Variants in PXDNL observed in about 807,000 individuals in gnomAD.
The protein encoded by PXDNL is probable oxidoreductase PXDNL.
Under a neutral mutation model 150.8 loss-of-function variants are expected in PXDNL, and 145 were observed. That is an observed-to-expected ratio of 0.96 (90% CI 0.84 to 1.10). PXDNL has a LOEUF of 1.10. PXDNL is among the 50% of genes least tolerant of loss of function. PXDNL has a pLI of 0.00. For missense variants in PXDNL, 2,087 were observed against 1,873.9 expected, an observed-to-expected ratio of 1.11 and a Z score of -2.10; for synonymous variants, 757 against 725.7, an observed-to-expected ratio of 1.04 and a Z score of -0.69.
At chr8:51,577,922 GAAAAGAAA>G (rs1813095233) in intron 3 of PXDNL, among the ~76,000 whole-genome samples, 1 of 80,372 alleles carries the variant, frequency 1.2e-5, no homozygotes, top group Non-Finnish European at 2.3e-5. Flanking sequence ...AGAAAAGAAA[GAAAAGAAA>G]GAAAGAAAGA....
chr8:51,755,888 C>G (rs962212484), intron 1 of PXDNL, among the ~76,000 whole-genome samples: 2 of 151,884 alleles, frequency 1.3e-5, no homozygotes, highest in Non-Finnish European at 2.9e-5. Context: ...TATTTTTAGG[C>G]GATATTTAGA....
chr8:51,704,212 T>A (rs2956887), intron 1 of PXDNL, among the ~76,000 whole-genome samples: 1 of 152,164 alleles, frequency 6.6e-6, no homozygotes, highest in Non-Finnish European at 1.5e-5. Flanking sequence ...TTAAGTTTTA[T>A]ATGTTTTAAG....
At chr8:51,331,591 C>A (rs1026712287) in intron 21 of PXDNL, among the ~76,000 whole-genome samples, 6 of 151,954 alleles carry the variant, frequency 3.9e-5, no homozygotes, top group African/African-American at 4.8e-5. Context: ...AAGCTTCTGG[C>A]AAGTTTTCAA....
chr8:51,425,755 G>C (rs1216664039), intron 13 of PXDNL, among the ~76,000 whole-genome samples: 1 of 151,686 alleles, frequency 6.6e-6, no homozygotes, highest in African/African-American at 2.4e-5. Flanking sequence ...CCAGGAGGCA[G>C]AACTTGTAGT....
chr8:51,487,235 A>G (rs976571543), intron 5 of PXDNL, among the ~76,000 whole-genome samples: 2 of 152,158 alleles, frequency 1.3e-5, no homozygotes, highest in African/African-American at 4.8e-5. Context: ...TGACAGAAAC[A>G]TGCATATTAT....
chr8:51,628,399 CTTTT>C (rs71550276), intron 2 of PXDNL, among the ~76,000 whole-genome samples: 4 of 69,786 alleles, frequency 5.7e-5, no homozygotes, highest in African/African-American at 1.8e-4. Context: ...CTTTTCTTTT[CTTTT>C]TTTTTTTTTT....
At chr8:51,429,687 C>CTTT (rs5891411) in intron 12 of PXDNL, among the ~76,000 whole-genome samples, 25 of 125,364 alleles carry the variant, frequency 2.0e-4, no homozygotes, top group Non-Finnish European at 2.7e-4. Context: ...TTTTTCCTTT[C>CTTT]TTTTTTTTTT....
At chr8:51,446,893 A>G (rs1809688905) in intron 12 of PXDNL, 111 bp downstream of exon 12, 4 of 705,792 alleles carry the variant, frequency 5.7e-6, no homozygotes, top group African/African-American at 1.9e-5. Flanking sequence ...AGATCATATG[A>G]CTATATATAT....
intron 4 of PXDNL, among the ~76,000 whole-genome samples, chr8:51,530,898 CTTTG>C (rs1244115290): frequency 7.8e-6 from 1 of 128,916 alleles, no homozygotes; most frequent in African/African-American, 3.5e-5. Flanking sequence ...GAGGCCAGTA[CTTTG>C]TTTTTTATTC....
At chr8:51,467,574 T>C (rs1238243807) in intron 8 of PXDNL, among the ~76,000 whole-genome samples, 2 of 152,112 alleles carry the variant, frequency 1.3e-5, no homozygotes, top group African/African-American at 2.4e-5. Context: ...CATCATGTAG[T>C]ATACCTTTGT....
chr8:51,650,884 C>CA (rs936063165), intron 2 of PXDNL, among the ~76,000 whole-genome samples: 2 of 151,974 alleles, frequency 1.3e-5, no homozygotes, highest in African/African-American at 2.4e-5. Context: ...ACAAGCTTTA[C>CA]AAAAAAAGCT....
intron 12 of PXDNL, among the ~76,000 whole-genome samples, chr8:51,437,781 T>C (rs1209097794): frequency 1.3e-5 from 2 of 152,024 alleles, no homozygotes; most frequent in Non-Finnish European, 2.9e-5. Flanking sequence ...ACTACTTCTA[T>C]TCAACATAGT....
intron 1 of PXDNL, among the ~76,000 whole-genome samples, chr8:51,771,498 G>A (rs2037292660): frequency 6.6e-6 from 1 of 152,186 alleles, no homozygotes; most frequent in African/African-American, 2.4e-5. Flanking sequence ...GATGGCTCCT[G>A]ACCCTGCTCC....
intron 1 of PXDNL, among the ~76,000 whole-genome samples, chr8:51,797,528 C>G (rs1049233870): frequency 9.2e-5 from 14 of 152,060 alleles, no homozygotes; most frequent in African/African-American, 3.4e-4. Flanking sequence ...TATAAACCAA[C>G]AACAGACAAG....
chr8:51,774,631 A>T lies in PXDNL; in HGVS notation c.164+34550T>A, dbSNP rs561931673. 9.9e-5 allele frequency among the ~76,000 whole-genome samples: 15 copies of T among 152,194 alleles called. No individual in the cohort carries two copies. The East Asian group carries it at 2.3e-3, about 24-fold the overall frequency. On this transcript the variant is annotated intron_variant, in intron 1 of 22. Coordinates refer to ENST00000356297, the MANE Select transcript of PXDNL (RefSeq NM_144651.5). ...CAGGAGATCGAGACCATCCTGGGTA[A>T]CACAGTGAAACCCTGTCTCTACTAA...
chr8:51,456,485 C>T (rs1024480620), intron 9 of PXDNL, among the ~76,000 whole-genome samples: 6 of 152,172 alleles, frequency 3.9e-5, no homozygotes, highest in African/African-American at 9.6e-5. Context: ...GGGCTGGAGC[C>T]GGCTCTGGAG....
At chr8:51,663,318 C>A (rs539888311) in intron 1 of PXDNL, among the ~76,000 whole-genome samples, 1 of 152,292 alleles carries the variant, frequency 6.6e-6, no homozygotes, top group African/African-American at 2.4e-5. Flanking sequence ...CGAGGCTGCA[C>A]CGGAAAACCC....
At chr8:51,406,740 C>T (rs898140353) in intron 17 of PXDNL, among the ~76,000 whole-genome samples, 2 of 152,308 alleles carry the variant, frequency 1.3e-5, no homozygotes, top group Admixed American at 1.3e-4. Context: ...CATTTAATCG[C>T]GACTTCTACC....
At chr8:51,696,824 CACACACACACACACAGGTCCTG>C in intron 1 of PXDNL, among the ~76,000 whole-genome samples, 1 of 147,522 alleles carries the variant, frequency 6.8e-6, no homozygotes. Context: ...CACACACACA[CACACACACACACACAGGTCCTG>C]ACACACACAC....
Sources: gnomAD v4.1 joint callset for allele counts (sites outside exome capture counted in the v4.1 genomes callset) on GRCh38, gnomAD v4.1.1 for gene constraint, MANE v1.5 for transcripts, NCBI Gene and HGNC (gene_info 2026-07-23, HGNC 2026-07-21) for gene names.